The following PKD1L1 variants were observed in gnomAD, a reference collection of about 807,000 sequenced individuals.
The protein encoded by PKD1L1 is polycystin-1-like protein 1.
PKD1L1 carries 236 observed loss-of-function variants against 323.4 expected under a neutral mutation model. The observed-to-expected ratio is 0.73, with a 90% confidence interval of 0.66 to 0.81. PKD1L1 has a LOEUF of 0.81. Ranked by LOEUF, PKD1L1 falls within the 40% of genes least tolerant of loss-of-function variation. The pLI is 0.00. For synonymous variants in PKD1L1, 1,344 were observed against 1,335.0 expected, an observed-to-expected ratio of 1.01 and a Z score of -0.15; for missense variants, 3,320 against 3,508.0, an observed-to-expected ratio of 0.95 and a Z score of 1.35.
chr7:47,810,008 TC>T (rs1784860653), intron 50 of PKD1L1, among the ~76,000 whole-genome samples: 1 of 152,238 alleles, frequency 6.6e-6, no homozygotes, highest in Non-Finnish European at 1.5e-5. Flanking sequence ...AGTAAAGTCT[TC>T]TAAAGCTCCC....
At chr7:47,842,520 C>G (rs1446859148) in intron 34 of PKD1L1, among the ~76,000 whole-genome samples, 1 of 152,144 alleles carries the variant, frequency 6.6e-6, no homozygotes, top group Admixed American at 6.5e-5. Flanking sequence ...CACAGCTCAC[C>G]GCGGCACCCC....
intron 46 of PKD1L1, among the ~76,000 whole-genome samples, chr7:47,820,188 C>G (rs1179619321): frequency 3.3e-5 from 5 of 152,202 alleles, no homozygotes; most frequent in African/African-American, 1.2e-4. Flanking sequence ...AAGAAGACTA[C>G]ATTAAATGCA....
intron 15 of PKD1L1, among the ~76,000 whole-genome samples, chr7:47,892,955 G>A (rs997245046): frequency 6.6e-6 from 1 of 152,186 alleles, no homozygotes; most frequent in Non-Finnish European, 1.5e-5. Flanking sequence ...CTGTGGCTGG[G>A]CCTGATGGCT....
chr7:47,889,395 C>T (rs1786758649), intron 16 of PKD1L1, among the ~76,000 whole-genome samples: 1 of 151,858 alleles, frequency 6.6e-6, no homozygotes, highest in South Asian at 2.1e-4. Context: ...AAATTGTGCC[C>T]CAATTGTTGT....
intron 56 of PKD1L1, among the ~76,000 whole-genome samples, chr7:47,781,865 T>C (rs1301112744): frequency 1.3e-5 from 2 of 152,218 alleles, no homozygotes; most frequent in Non-Finnish European, 1.5e-5. Flanking sequence ...ACAAGTTCTT[T>C]TTGTTTTCTT....
At chr7:47,906,645 A>C (rs990770952) in intron 9 of PKD1L1, among the ~76,000 whole-genome samples, 2 of 152,196 alleles carry the variant, frequency 1.3e-5, no homozygotes, top group African/African-American at 2.4e-5. Context: ...TTATCATAAA[A>C]GGGTATTAAG....
intron 26 of PKD1L1, among the ~76,000 whole-genome samples, chr7:47,859,788 G>A (rs1324795540): frequency 6.6e-6 from 1 of 152,014 alleles, no homozygotes; most frequent in Non-Finnish European, 1.5e-5. Flanking sequence ...ACCATGCCCA[G>A]CTAATATTTT....
chr7:47,849,873 C>T (rs1295176379), intron 31 of PKD1L1, among the ~76,000 whole-genome samples: 1 of 152,088 alleles, frequency 6.6e-6, no homozygotes, highest in African/African-American at 2.4e-5. Flanking sequence ...TTTGCAGCAA[C>T]CTGGATGGAG....
rs111354816 is a variant in PKD1L1 at position 47,839,045 on chromosome 7, C to T, written c.5769+401G>A. Among the ~76,000 whole-genome samples the T allele has an allele frequency of 3.9e-5, 6 of 152,206 alleles. 1 individual carries two copies. The highest frequency in any genetic ancestry group is 1.4e-4 in the African/African-American group (6 of 41,526). On this transcript the variant is annotated intron_variant, in intron 36 of 56. Transcript: ENST00000289672. This position sits in a 1 kb window ranked among gnomAD's most constrained non-coding sequence, Gnocchi z 4.3. ...GTTATTCTGTCACTCTGGCTATCTCCTGCCATCCTGGACCTGACCACATCT... is the reference window on the plus strand; with the variant it reads ...GTTATTCTGTCACTCTGGCTATCTCTTGCCATCCTGGACCTGACCACATCT...
rs538554016 is a variant in PKD1L1, at chr7:47,844,445, G to A, written c.5237+550C>T. On this transcript the variant is annotated intron_variant, in intron 33 of 56. Coordinates refer to ENST00000289672, the MANE Select transcript of PKD1L1 (RefSeq NM_138295.5). ...ATTGTATTAAATGTAGGGTGACACT[G>A]ATGAATAAGACAGGGAAGGTTCCTG... Among the ~76,000 whole-genome samples, 270 of 152,304 alleles carry A rather than the reference G, an allele frequency of 1.8e-3. 1 individual carries two copies. The highest frequency in any genetic ancestry group is 6.1e-3 in the African/African-American group (255 of 41,562).
Position 47,940,221 on chromosome 7 carries a change from C to T in PKD1L1, c.257G>A (p.Ser86Asn). 2 of 1,614,182 alleles carry T rather than the reference C, an allele frequency of 1.2e-6. No homozygotes were observed. The highest frequency in any genetic ancestry group is 2.2e-5 in the South Asian group (2 of 91,080). The change falls in exon 3 of 57, where the codon AGC (serine) becomes AAC (asparagine). Residue 86 changes from serine (S) to asparagine (N), a missense_variant. By Grantham distance (46) the Ser-to-Asn change is conservative (BLOSUM62 1). Coordinates refer to ENST00000289672, the MANE Select transcript of PKD1L1 (RefSeq NM_138295.5). Reference protein sequence around the residue: ...NGKAEDRESQSPSSSASRQKN... With the variant: ...NGKAEDRESQNPSSSASRQKN... ...CTGCCTGGAAGCTGATGAGGATGGG[C>T]TCTGTGATTCCCGGTCTTCTGCCTT...
At chr7:47,873,676 G>GAAAAAAAAA (rs1562967528) in intron 24 of PKD1L1, among the ~76,000 whole-genome samples, 15 of 131,912 alleles carry the variant, frequency 1.1e-4, no homozygotes, top group Admixed American at 1.6e-4. Flanking sequence ...AAAAAAGAAG[G>GAAAAAAAAA]AGAAGAAAGT....
intron 26 of PKD1L1, among the ~76,000 whole-genome samples, chr7:47,861,396 A>T (rs1437678469): frequency 6.6e-6 from 1 of 152,222 alleles, no homozygotes; most frequent in Non-Finnish European, 1.5e-5. Context: ...GTGGCATTTG[A>T]ATCTACCCTT....
intron 3 of PKD1L1, 71 bp from the exon 4 acceptor site, chr7:47,937,029 A>G: frequency 8.3e-7 from 1 of 1,201,850 alleles, no homozygotes; most frequent in Non-Finnish European, 1.2e-6. Context: ...GGAAAGTAAT[A>G]TTACTTCATT....
rs1223171342 is a variant in PKD1L1 at position 47,854,984 on chromosome 7, T to C, written c.4757A>G (p.His1586Arg). The change falls in exon 30 of 57, where the codon CAT becomes CGT. Residue 1586 changes from histidine to arginine, a missense_variant. Coordinates refer to ENST00000289672, the MANE Select transcript of PKD1L1 (RefSeq NM_138295.5). ...FVLLRDKVNL[H>R]QFTELSENPQ... ...GTTTTCGGAAAGCTCAGTGAACTGATGGAGATTCACTTTATCCCGAAGTAA... is the reference window on the plus strand; with the variant it reads ...GTTTTCGGAAAGCTCAGTGAACTGACGGAGATTCACTTTATCCCGAAGTAA... 2 of 1,613,870 alleles carry C rather than the reference T, an allele frequency of 1.2e-6. No individual in the cohort carries two copies. Among genetic ancestry groups the C allele is most frequent in the East Asian group, 2.2e-5 (1 of 44,896 alleles).
chr7:47,920,867 C>T (rs1457102929), intron 7 of PKD1L1, among the ~76,000 whole-genome samples: 1 of 152,196 alleles, frequency 6.6e-6, no homozygotes, highest in East Asian at 1.9e-4. Context: ...GGATCCTCAT[C>T]TCTCACCTTA....
At chr7:47,867,397 A>T (rs1786190393) in intron 24 of PKD1L1, among the ~76,000 whole-genome samples, 1 of 152,234 alleles carries the variant, frequency 6.6e-6, no homozygotes, top group Non-Finnish European at 1.5e-5. Context: ...TACTTTACAG[A>T]ATTCGTCTTG....
intron 23 of PKD1L1, 83 bp downstream of exon 23, chr7:47,876,014 A>T (rs1786395724): frequency 3.4e-6 from 5 of 1,465,170 alleles, no homozygotes; most frequent in Non-Finnish European, 4.7e-6. Context: ...TTCTAGACAC[A>T]GTTTAGTTTT....
chr7:47,908,570 A>G (rs912505863), intron 8 of PKD1L1, among the ~76,000 whole-genome samples: 3 of 152,220 alleles, frequency 2.0e-5, no homozygotes, highest in Admixed American at 1.3e-4. Flanking sequence ...CCTCTGCAGT[A>G]GGAAATATTC....
Sources: gnomAD v4.1 joint callset for allele counts (sites outside exome capture counted in the v4.1 genomes callset) on GRCh38, gnomAD v4.1.1 for gene constraint, Gnocchi (gnomAD v3.1) non-coding constraint, MANE v1.5 for transcripts, NCBI Gene and HGNC (gene_info 2026-07-23, HGNC 2026-07-21) for gene names.